DAB2IP: variants seen among roughly 807,000 people sequenced by gnomAD.
DAB2IP encodes the protein disabled homolog 2-interacting protein.
A neutral mutation model predicts 107.2 loss-of-function variants in DAB2IP; 28 were observed. The ratio of observed to expected loss-of-function variants is 0.26; its 90% CI spans 0.19 to 0.36. The LOEUF (loss-of-function observed/expected upper bound fraction) is 0.36. Among genes scored for constraint, DAB2IP ranks in the 10% least tolerant of loss-of-function variants. The pLI is 1.00. For missense variants in DAB2IP, 1,400 were observed against 1,644.7 expected (o/e 0.85, Z 2.57); for synonymous variants, 755 against 706.4 (o/e 1.07, Z -1.09).
chr9:121,619,813 G>A (rs1450334541), intron 1 of DAB2IP, among the ~76,000 whole-genome samples: 1 of 152,152 alleles, frequency 6.6e-6, no homozygotes, highest in Non-Finnish European at 1.5e-5. Context: ...AATAGCTTAG[G>A]TATTAGGTAC....
intron 1 of DAB2IP, among the ~76,000 whole-genome samples, chr9:121,579,034 C>T (rs941158590): frequency 1.3e-5 from 2 of 152,066 alleles, no homozygotes; most frequent in African/African-American, 4.8e-5. Flanking sequence ...CCAGTCCTCT[C>T]GGGTGAGGCT....
intron 1 of DAB2IP, among the ~76,000 whole-genome samples, chr9:121,571,413 G>A (rs990913704): frequency 3.3e-5 from 5 of 152,106 alleles, no homozygotes; most frequent in South Asian, 4.1e-4. Context: ...GCATTCCAGG[G>A]CAGAAGAAAC....
Position 121,748,374 on chromosome 9 carries a change from C to G in DAB2IP, c.363-8639C>G, listed in dbSNP as rs759678442. Among the ~76,000 whole-genome samples the G allele has an allele frequency of 3.0e-4, 45 of 152,168 alleles. 1 individual carries two copies. Among genetic ancestry groups the G allele is most frequent in the Non-Finnish European group, 6.0e-4 (41 of 68,016 alleles). On this transcript the variant is annotated intron_variant, in intron 3 of 15. Coordinates refer to ENST00000408936, the Ensembl canonical transcript of DAB2IP. ...TGTGAGGTAGGTGCCAAGAGTGTCC[C>G]ACAGAGGGTGACCAGGCCGTTAGAA...
intron 1 of DAB2IP, among the ~76,000 whole-genome samples, chr9:121,602,389 C>T (rs940544778): frequency 6.6e-6 from 1 of 152,030 alleles, no homozygotes; most frequent in South Asian, 2.1e-4. Context: ...ACGAGGCCCT[C>T]GTGCTCAGGT....
chr9:121,573,055 C>T (rs1319181338), intron 1 of DAB2IP, among the ~76,000 whole-genome samples: 2 of 152,260 alleles, frequency 1.3e-5, no homozygotes, highest in East Asian at 3.9e-4. Flanking sequence ...ACTTTATCTA[C>T]ACTGTCTTCT....
chr9:121,755,150 G>A (rs567702580), intron 3 of DAB2IP, among the ~76,000 whole-genome samples: 4 of 152,342 alleles, frequency 2.6e-5, no homozygotes, highest in African/African-American at 4.8e-5. Flanking sequence ...TTGCCGTGAT[G>A]GGGAGGAGGC....
At position 121,776,317 on chromosome 9, in the gene DAB2IP, G is replaced by A. The variant is rs1371862331; in HGVS notation, c.3240G>A (p.Arg1080=). 2 of 1,565,288 alleles carry A rather than the reference G, an allele frequency of 1.3e-6. No homozygotes were observed. Among genetic ancestry groups the A allele is most frequent in the Non-Finnish European group, 1.7e-6 (2 of 1,154,826 alleles). ...AGCTGGTGCTGGAGTACCAGGCACG[G>A]CTGGAGGAGGGCGAGGAGCGGCTGC... is the stretch of plus-strand genomic sequence containing the variant. The change falls in exon 14 of 16, where the codon CGG becomes CGA. Residue 1080 remains arginine, a synonymous_variant. Transcript: ENST00000408936. This position sits in a 1 kb window ranked among gnomAD's most constrained non-coding sequence, Gnocchi z 5.4.
At chr9:121,612,233 G>A (rs895769446) in intron 1 of DAB2IP, among the ~76,000 whole-genome samples, 1 of 151,980 alleles carries the variant, frequency 6.6e-6, no homozygotes, top group African/African-American at 2.4e-5. Flanking sequence ...TGGGAGGATC[G>A]CTTAAGTCCG....
At chr9:121,661,051 G>T (rs1324866721) in intron 1 of DAB2IP, among the ~76,000 whole-genome samples, 1 of 152,156 alleles carries the variant, frequency 6.6e-6, no homozygotes. Flanking sequence ...CCCTTGGAAA[G>T]GCGTGAAGAA....
intron 1 of DAB2IP, among the ~76,000 whole-genome samples, chr9:121,637,532 T>C (rs2099356161): frequency 6.6e-6 from 1 of 152,094 alleles, no homozygotes; most frequent in African/African-American, 2.4e-5. Context: ...AGAGCTCCAG[T>C]GGACATTGAG....
chr9:121,740,263 C>T (rs1391345851), intron 3 of DAB2IP, among the ~76,000 whole-genome samples: 1 of 152,126 alleles, frequency 6.6e-6, no homozygotes, highest in Non-Finnish European at 1.5e-5. Flanking sequence ...CGATAGGCCC[C>T]CCACAGTGAT....
chr9:121,648,130 G>T (rs1027290669), upstream of DAB2IP, among the ~76,000 whole-genome samples: 2 of 152,242 alleles, frequency 1.3e-5, no homozygotes, highest in East Asian at 3.9e-4. Context: ...AAGGATAAAA[G>T]ACTACAAATT....
chr9:121,642,016 TCTCTCTCTC>T (rs1564128752), intron 1 of DAB2IP, among the ~76,000 whole-genome samples: 21 of 29,440 alleles, frequency 7.1e-4, no homozygotes, highest in African/African-American at 3.1e-3. Context: ...TCTCTCTCTC[TCTCTCTCTC>T]TCTCTCTTTC....
rs1478387322 is a variant in DAB2IP, at chr9:121,739,905, G to A, written c.363-17108G>A. On this transcript the variant is annotated intron_variant, in intron 3 of 15. Coordinates refer to ENST00000408936, the Ensembl canonical transcript of DAB2IP. Reference sequence around the variant, plus strand: ...GAGCTCCAGCACTGGGAGGAAAGGAGGTGAGGTGCTAGCAGCCTGTGAGAA... The same window carrying A: ...GAGCTCCAGCACTGGGAGGAAAGGAAGTGAGGTGCTAGCAGCCTGTGAGAA... Among the ~76,000 whole-genome samples the A allele has an allele frequency of 3.3e-5, 5 of 152,296 alleles. No homozygotes were observed. The South Asian group carries it at 6.2e-4, about 19-fold the overall frequency.
intron 3 of DAB2IP, among the ~76,000 whole-genome samples, chr9:121,737,031 A>G (rs1431962594): frequency 6.6e-6 from 1 of 152,160 alleles, no homozygotes; most frequent in Non-Finnish European, 1.5e-5. Flanking sequence ...TGAGACCGGA[A>G]TGAGGAGGAA....
intron 2 of DAB2IP, among the ~76,000 whole-genome samples, chr9:121,679,413 T>TACACACACACAC (rs3138857): frequency 0.026 from 3,459 of 135,546 alleles, 141 homozygotes; most frequent in African/African-American, 0.079. Flanking sequence ...TTTGTGCATG[T>TACACACACACAC]ACACACACAC....
chr9:121,719,732 G>A (rs1456141843), intron 3 of DAB2IP, among the ~76,000 whole-genome samples: 1 of 152,208 alleles, frequency 6.6e-6, no homozygotes, highest in African/African-American at 2.4e-5. Flanking sequence ...AGGTGTGCTT[G>A]TTTTAGAGAT....
At chr9:121,653,436 C>T (rs1383881641) in intron 1 of DAB2IP, among the ~76,000 whole-genome samples, 4 of 152,112 alleles carry the variant, frequency 2.6e-5, no homozygotes, top group Non-Finnish European at 5.9e-5. Flanking sequence ...TCTGGGAGAC[C>T]GGGAATCTGG....
chr9:121,774,161 C>A, intron 12 of DAB2IP, 99 bp from the exon 13 acceptor site: 1 of 1,336,708 alleles, frequency 7.5e-7, no homozygotes, highest in Non-Finnish European at 9.9e-7. Context: ...CCCACCGTGT[C>A]CCAGAGTTGC....
Sources: gnomAD v4.1 joint callset for allele counts (sites outside exome capture counted in the v4.1 genomes callset) on GRCh38, gnomAD v4.1.1 for gene constraint, Gnocchi (gnomAD v3.1) non-coding constraint, MANE v1.5 for transcripts, NCBI Gene and HGNC (gene_info 2026-07-23, HGNC 2026-07-21) for gene names.